The following C3orf20 variants were observed in gnomAD, a reference collection of about 807,000 sequenced individuals.
C3orf20 encodes uncharacterized protein C3orf20.
A neutral mutation model predicts 88.3 loss-of-function variants in C3orf20; 76 were observed. The ratio of observed to expected loss-of-function variants is 0.86; its 90% CI spans 0.72 to 1.04. C3orf20 has a LOEUF of 1.04. C3orf20 is among the 50% of genes least tolerant of loss of function. The probability of loss-of-function intolerance (pLI) is 0.00; values close to 1 mark genes in which losing one functional copy is unlikely to be tolerated. For synonymous variants in C3orf20, 436 were observed against 437.4 expected (o/e 1.00, Z 0.04); for missense variants, 1,056 against 1,123.3 (o/e 0.94, Z 0.86).
intron 12 of C3orf20, among the ~76,000 whole-genome samples, chr3:14,741,654 A>C (rs2034903223): frequency 6.6e-6 from 1 of 152,202 alleles, no homozygotes; most frequent in Non-Finnish European, 1.5e-5. Flanking sequence ...AAAAGAATTA[A>C]AGTGCAAGCT....
chr3:14,688,173 C>T (rs779664277), intron 4 of C3orf20, among the ~76,000 whole-genome samples: 3 of 152,112 alleles, frequency 2.0e-5, no homozygotes, highest in Non-Finnish European at 4.4e-5. Flanking sequence ...TTATGTTTTT[C>T]GGGACCGTCC....
intron 15 of C3orf20, among the ~76,000 whole-genome samples, chr3:14,764,709 CA>C (rs2035655334): frequency 6.6e-6 from 1 of 152,128 alleles, no homozygotes; most frequent in Non-Finnish European, 1.5e-5. Flanking sequence ...CCAGACCACT[CA>C]AATGTAGCCT....
chr3:14,757,086 A>G (rs2035395533), intron 12 of C3orf20, among the ~76,000 whole-genome samples: 1 of 152,158 alleles, frequency 6.6e-6, no homozygotes, highest in South Asian at 2.1e-4. Context: ...ACAAGATTAG[A>G]TGGGATGTGT....
At chr3:14,679,766 C>CTT (rs2031985574) in intron 1 of C3orf20, among the ~76,000 whole-genome samples, 1 of 152,162 alleles carries the variant, frequency 6.6e-6, no homozygotes, top group Admixed American at 6.5e-5. Context: ...ATGTTCACCT[C>CTT]TGAGTTTGGA....
chr3:14,726,893 C>A lies in C3orf20; in HGVS notation c.1567-8C>A. On this transcript the variant is annotated splice_polypyrimidine_tract_variant and splice_region_variant and intron_variant, in intron 10 of 16. Coordinates refer to ENST00000253697, the MANE Select transcript of C3orf20 (RefSeq NM_032137.5). ...GTGACACCCGCCCTCCCCTTTGCCC[C>A]TCTCCAGCTGAACCGCAGAATCAGC... The A allele has an allele frequency of 6.2e-7, 1 of 1,613,962 alleles. No homozygotes were observed. Among genetic ancestry groups the A allele is most frequent in the East Asian group, 2.2e-5 (1 of 44,868 alleles).
At chr3:14,707,444 CTTGTGT>C (rs2033556741) in intron 7 of C3orf20, among the ~76,000 whole-genome samples, 2 of 86,502 alleles carry the variant, frequency 2.3e-5, no homozygotes, top group Admixed American at 2.5e-4. Context: ...AGCATCTTTT[CTTGTGT>C]GTGTGTGTGT....
chr3:14,704,929 G>A (rs753410878), intron 7 of C3orf20, among the ~76,000 whole-genome samples: 1 of 152,226 alleles, frequency 6.6e-6, no homozygotes, highest in Non-Finnish European at 1.5e-5. Flanking sequence ...CAGTTGAGAC[G>A]TGGTTAAAGA....
At chr3:14,684,789 C>G (rs887042944) in intron 4 of C3orf20, among the ~76,000 whole-genome samples, 3 of 152,210 alleles carry the variant, frequency 2.0e-5, no homozygotes, top group Admixed American at 6.5e-5. Context: ...AGTTTTTGTG[C>G]TCACCTGGTC....
At chr3:14,712,172 A>ACG (rs201794636) in intron 7 of C3orf20, among the ~76,000 whole-genome samples, 8 of 77,678 alleles carry the variant, frequency 1.0e-4, no homozygotes, top group South Asian at 3.8e-4. Flanking sequence ...ACGCACACAC[A>ACG]CGCGCGCGCG....
chr3:14,704,229 A>T lies in C3orf20; in HGVS notation c.879-108A>T. On this transcript the variant is annotated intron_variant, in intron 6 of 16. Coordinates refer to ENST00000253697, the MANE Select transcript of C3orf20 (RefSeq NM_032137.5). ...TGGGTTGGGGATGTGTACTTTGGGG[A>T]CAGGGGAATGGGATAGGGGTCTTGG... 3.4e-6 allele frequency: 4 copies of T among 1,159,682 alleles called. 1 individual carries two copies. In the South Asian group the frequency reaches 6.0e-5, roughly 17 times the overall value. 71.8% of individuals were successfully genotyped at this position (1,159,682 alleles called of 1,614,324 possible). A position where few individuals can be genotyped will look rare whatever the true frequency, so the allele number is the denominator to read the frequency against.
At chr3:14,695,857 A>G (rs1162039214) in intron 5 of C3orf20, among the ~76,000 whole-genome samples, 3 of 150,456 alleles carry the variant, frequency 2.0e-5, no homozygotes, top group African/African-American at 7.4e-5. Flanking sequence ...TCGTTCCTTT[A>G]TTTTCAGTTT....
intron 12 of C3orf20, among the ~76,000 whole-genome samples, chr3:14,734,132 T>C (rs913310706): frequency 1.3e-5 from 2 of 152,236 alleles, no homozygotes; most frequent in African/African-American, 4.8e-5. Flanking sequence ...TATTGATTTA[T>C]TAGTGTTTCC....
chr3:14,757,734 C>CGA, intron 13 of C3orf20, 60 bp downstream of exon 13: 1 of 1,489,668 alleles, frequency 6.7e-7, no homozygotes, highest in Non-Finnish European at 9.1e-7. Flanking sequence ...TGGGGCAGTC[C>CGA]GAGAAAACCC....
intron 12 of C3orf20, among the ~76,000 whole-genome samples, chr3:14,745,137 A>G (rs911693735): frequency 2.0e-5 from 3 of 152,318 alleles, no homozygotes; most frequent in African/African-American, 7.2e-5. Flanking sequence ...GGAGCAGTTG[A>G]TGAAGCTAGG....
intron 4 of C3orf20, 28 bp from the exon 5 acceptor site, chr3:14,689,969 A>G: frequency 6.2e-7 from 1 of 1,613,820 alleles, no homozygotes; most frequent in Non-Finnish European, 8.5e-7. Flanking sequence ...AACAGTTGAA[A>G]GAAGAATCTC....
intron 7 of C3orf20, among the ~76,000 whole-genome samples, chr3:14,707,445 TTGTGTGTG>T (rs36047273): frequency 0.013 from 1,732 of 136,400 alleles, 23 homozygotes; most frequent in African/African-American, 0.023. Context: ...GCATCTTTTC[TTGTGTGTG>T]TGTGTGTGTG....
intron 7 of C3orf20, among the ~76,000 whole-genome samples, chr3:14,708,194 T>C (rs2124946189): frequency 6.6e-6 from 1 of 152,296 alleles, no homozygotes; most frequent in Non-Finnish European, 1.5e-5. Context: ...TTAATTTTTG[T>C]ATGTGGTATA....
chr3:14,757,838 C>T (rs1281873607), intron 13 of C3orf20, among the ~76,000 whole-genome samples, 164 bp downstream of exon 13: 1 of 152,236 alleles, frequency 6.6e-6, no homozygotes, highest in African/African-American at 2.4e-5. Context: ...CTCCTGTCTG[C>T]AGTGTCCTCC....
At chr3:14,730,479 G>A (rs377069484) in intron 12 of C3orf20, among the ~76,000 whole-genome samples, 10 of 152,188 alleles carry the variant, frequency 6.6e-5, no homozygotes, top group Admixed American at 3.9e-4. Context: ...CCCAGGAGGC[G>A]GAGCTTGCAG....
Sources: gnomAD v4.1 joint callset for allele counts (sites outside exome capture counted in the v4.1 genomes callset) on GRCh38, gnomAD v4.1.1 for gene constraint, MANE v1.5 for transcripts, NCBI Gene and HGNC (gene_info 2026-07-23, HGNC 2026-07-21) for gene names.